The following SLC71A2 variants were observed in gnomAD, a reference collection of about 807,000 sequenced individuals.
The protein encoded by SLC71A2 is solute carrier family 71 member 2.
the SLC71A2 span, chr9:94,375,016 A>G: frequency 8.1e-6 from 7 of 861,354 alleles, no homozygotes; most frequent in Non-Finnish European, 1.1e-5. Context: ...CGCTCCGGGC[A>G]GGGGCTTCGG....
the SLC71A2 span, among the ~76,000 whole-genome samples, chr9:94,415,955 G>GAGTA: frequency 6.6e-6 from 1 of 152,170 alleles, no homozygotes. Flanking sequence ...GCAGATTGGT[G>GAGTA]AGTACTTTGT....
the SLC71A2 span, among the ~76,000 whole-genome samples, chr9:94,421,928 C>G: frequency 6.6e-6 from 1 of 151,036 alleles, no homozygotes; most frequent in Non-Finnish European, 1.5e-5. Flanking sequence ...TTTTCTTTTC[C>G]TCCGAGACAG....
the SLC71A2 span, among the ~76,000 whole-genome samples, chr9:94,458,621 G>T: frequency 1.2e-4 from 18 of 151,680 alleles, no homozygotes; most frequent in Non-Finnish European, 4.4e-5. Context: ...GATCAGGGAG[G>T]GGTCATTTTA....
the SLC71A2 span, chr9:94,446,825 G>A: frequency 2.6e-6 from 4 of 1,561,478 alleles, no homozygotes; most frequent in Middle Eastern, 1.7e-4. Context: ...ATTCTCAGTC[G>A]TTGAAGAAAG....
chr9:94,438,145 C>T, the SLC71A2 span, among the ~76,000 whole-genome samples: 1 of 152,138 alleles, frequency 6.6e-6, no homozygotes, highest in Admixed American at 6.5e-5. Context: ...ACCATGTTGG[C>T]CAGACTGGTC....
At chr9:94,444,337 GAGAC>G in the SLC71A2 span, among the ~76,000 whole-genome samples, 1 of 152,216 alleles carries the variant, frequency 6.6e-6, no homozygotes, top group African/African-American at 2.4e-5. Flanking sequence ...TGGTGACAGA[GAGAC>G]AGAAATCTAC....
At chr9:94,445,119 T>G in the SLC71A2 span, 2 of 1,614,134 alleles carry the variant, frequency 1.2e-6, no homozygotes, top group South Asian at 1.1e-5. Context: ...AATCTCTGCC[T>G]GAGAAAATGA....
the SLC71A2 span, chr9:94,456,488 C>A: frequency 1.6e-6 from 1 of 607,774 alleles, no homozygotes; most frequent in Non-Finnish European, 3.0e-6. Flanking sequence ...CAGATAGGAA[C>A]ATTCTATTTT....
chr9:94,440,644 T>A, the SLC71A2 span, among the ~76,000 whole-genome samples: 1 of 152,038 alleles, frequency 6.6e-6, no homozygotes, highest in African/African-American at 2.4e-5. Context: ...TTGTTGTATG[T>A]CTTTTCCTTA....
the SLC71A2 span, among the ~76,000 whole-genome samples, chr9:94,421,243 A>G: frequency 6.6e-6 from 1 of 152,092 alleles, no homozygotes; most frequent in South Asian, 2.1e-4. Context: ...TAAGCTTTTA[A>G]TGGAAGTATA....
chr9:94,379,564 A>T, the SLC71A2 span, among the ~76,000 whole-genome samples: 1 of 148,622 alleles, frequency 6.7e-6, no homozygotes, highest in African/African-American at 2.5e-5. Flanking sequence ...TAGTTTTTAA[A>T]TTTTTTTGTA....
At chr9:94,415,353 C>G in the SLC71A2 span, 1 of 826,430 alleles carries the variant, frequency 1.2e-6, no homozygotes, top group Non-Finnish European at 2.0e-6. Context: ...GGGAGTAGCT[C>G]TTGATAGTGA....
At chr9:94,401,373 C>T in the SLC71A2 span, among the ~76,000 whole-genome samples, 3 of 152,060 alleles carry the variant, frequency 2.0e-5, no homozygotes, top group African/African-American at 4.8e-5. Flanking sequence ...GGGGTTTCAC[C>T]GTGTTGGCCA....
the SLC71A2 span, among the ~76,000 whole-genome samples, chr9:94,384,017 A>G: frequency 6.6e-6 from 1 of 152,240 alleles, no homozygotes; most frequent in African/African-American, 2.4e-5. Flanking sequence ...TACACATAGC[A>G]AAGAAGTTAC....
the SLC71A2 span, chr9:94,459,076 TG>T: frequency 1.5e-6 from 2 of 1,374,458 alleles, no homozygotes. Context: ...TTTGGTGGTG[TG>T]TTTTTTTTGG....
chr9:94,454,698 C>A, the SLC71A2 span, among the ~76,000 whole-genome samples: 1 of 151,966 alleles, frequency 6.6e-6, no homozygotes, highest in South Asian at 2.1e-4. Flanking sequence ...TGAATATAGT[C>A]AAAAGCAAAA....
At chr9:94,415,260 A>G in the SLC71A2 span, 39 of 1,598,466 alleles carry the variant, frequency 2.4e-5, no homozygotes, top group Admixed American at 6.3e-4. Context: ...GACTGTAAGT[A>G]TTGCTGAACT....
the SLC71A2 span, among the ~76,000 whole-genome samples, chr9:94,419,331 GTTGCC>G: frequency 1.5e-5 from 2 of 135,206 alleles, no homozygotes; most frequent in African/African-American, 5.5e-5. Flanking sequence ...GTCTCTCTCT[GTTGCC>G]CAGGCTGGAG....
At chr9:94,420,883 AGTGAGACTCTGTC>A in the SLC71A2 span, among the ~76,000 whole-genome samples, 2 of 152,164 alleles carry the variant, frequency 1.3e-5, no homozygotes, top group African/African-American at 4.8e-5. Context: ...TGGGCAGCAG[AGTGAGACTCTGTC>A]TCAAAAAAAT....
Sources: allele counts gnomAD v4.1 joint callset (sites outside exome capture counted in the v4.1 genomes callset), GRCh38; gene constraint gnomAD v4.1.1; transcripts MANE v1.5; gene names NCBI Gene and HGNC (gene_info 2026-07-23, HGNC 2026-07-21).